Variants in CACNA1C observed in about 807,000 individuals in gnomAD.
The protein encoded by CACNA1C is voltage-dependent L-type calcium channel subunit alpha-1C.
A neutral mutation model predicts 229.0 loss-of-function variants in CACNA1C; 30 were observed. The observed-to-expected ratio is 0.13, with a 90% CI of 0.10 to 0.18. The LOEUF is 0.18. Ranked by LOEUF, CACNA1C falls within the 10% of genes least tolerant of loss-of-function variation. The probability of loss-of-function intolerance (pLI) is 1.00; values close to 1 mark genes in which losing one functional copy is unlikely to be tolerated. For synonymous variants in CACNA1C, 1,114 were observed against 1,132.5 expected (o/e 0.98, Z 0.33); for missense variants, 1,658 against 2,845.0 (o/e 0.58, Z 9.49).
intron 3 of CACNA1C, among the ~76,000 whole-genome samples, chr12:2,185,052 A>C (rs1342556092): frequency 1.3e-5 from 2 of 149,970 alleles, no homozygotes; most frequent in Non-Finnish European, 2.9e-5. Context: ...GGGCTTTACA[A>C]CTCAACGCAG....
At chr12:2,470,960 T>C (rs1597331314) in intron 5 of CACNA1C, among the ~76,000 whole-genome samples, 1 of 152,098 alleles carries the variant, frequency 6.6e-6, no homozygotes, top group African/African-American at 2.4e-5. Flanking sequence ...ATCTTCCAAG[T>C]AGCTGGGATT....
chr12:2,605,553 C>A lies in CACNA1C; in HGVS notation c.3049-126C>A. The A allele has an allele frequency of 1.4e-6, 1 of 710,240 alleles. No individual in the cohort carries two copies. The highest frequency in any genetic ancestry group is 2.6e-6 in the Non-Finnish European group (1 of 390,452). The allele number at this position is 710,240 out of a possible 1,614,324, so 44.0% of individuals were successfully genotyped here. A position where few individuals can be genotyped will look rare whatever the true frequency, so the allele number is the denominator to read the frequency against. On this transcript the variant is annotated intron_variant, in intron 23 of 46. Coordinates refer to ENST00000399655, the MANE Select transcript of CACNA1C (RefSeq NM_000719.7). The surrounding 1 kb of genome is among the most constrained non-coding windows in gnomAD (Gnocchi z 6.2). The stretch of plus-strand genomic sequence containing the variant: ...ATCACTTCCCATGTGACTTTGGGAG[C>A]GTGGCTTTGCCCCTCTCAGCCCAAT...
chr12:2,210,972 T>G (rs1441504584), intron 3 of CACNA1C, among the ~76,000 whole-genome samples: 2 of 152,170 alleles, frequency 1.3e-5, no homozygotes, highest in Non-Finnish European at 2.9e-5. Context: ...ATCAAGATGG[T>G]TATAGTAATG....
At chr12:2,226,136 CACACACACACA>C (rs2062930085) in intron 3 of CACNA1C, among the ~76,000 whole-genome samples, 1 of 129,308 alleles carries the variant, frequency 7.7e-6, no homozygotes, top group African/African-American at 3.4e-5. Flanking sequence ...CACACACACA[CACACACACACA>C]CACACACACA....
rs886049222 is a variant in CACNA1C at position 2,692,757 on chromosome 12, T to A, written c.*1558T>A. 6.5e-6 allele frequency: 1 copy of A among 152,708 alleles called. No homozygotes were observed. The highest frequency in any genetic ancestry group is 1.9e-4 in the East Asian group (1 of 5,206). The allele number at this position is 152,708 out of a possible 1,614,324, so 9.5% of individuals were successfully genotyped here. ...TTTTATTGCATTGATAATGTTTCTGTTGAAGAAACCGTTATACTTGAATTC... is the reference window on the plus strand; with the variant it reads ...TTTTATTGCATTGATAATGTTTCTGATGAAGAAACCGTTATACTTGAATTC... On this transcript the variant is annotated 3_prime_UTR_variant, in exon 47 of 47. Transcript: ENST00000399655.
intron 3 of CACNA1C, among the ~76,000 whole-genome samples, chr12:2,373,512 G>T (rs1300391782): frequency 6.6e-6 from 1 of 152,108 alleles, no homozygotes; most frequent in African/African-American, 2.4e-5. Flanking sequence ...CTAGAGAGAG[G>T]GTGTCCCAGG....
Position 2,488,245 on chromosome 12 carries a change from G to T in CACNA1C, c.916+1983G>T, listed in dbSNP as rs1383326615. Among the ~76,000 whole-genome samples the T allele has an allele frequency of 1.3e-5, 2 of 152,180 alleles. No individual in the cohort carries two copies. Among genetic ancestry groups the T allele is most frequent in the African/African-American group, 4.8e-5 (2 of 41,448 alleles). On this transcript the variant is annotated intron_variant, in intron 6 of 46. Transcript: ENST00000399655. This position sits in a 1 kb window ranked among gnomAD's most constrained non-coding sequence, Gnocchi z 4.0. ...TGTTTTCTGCCGGTGGTGGGCTCCTGCAAGGGCGGGTGAGGATAAGCGGCC... is the reference window on the plus strand; with the variant it reads ...TGTTTTCTGCCGGTGGTGGGCTCCTTCAAGGGCGGGTGAGGATAAGCGGCC...
At chr12:2,405,452 A>G (rs1469865019) in intron 3 of CACNA1C, among the ~76,000 whole-genome samples, 1 of 152,016 alleles carries the variant, frequency 6.6e-6, no homozygotes, top group Non-Finnish European at 1.5e-5. Context: ...GCAACTACTT[A>G]TTTGTTCTCC....
At chr12:2,253,788 G>C (rs1009009627) in intron 3 of CACNA1C, among the ~76,000 whole-genome samples, 1 of 152,196 alleles carries the variant, frequency 6.6e-6, no homozygotes, top group African/African-American at 2.4e-5. Context: ...GATGTCCAAA[G>C]TATGCCTCTC....
At chr12:2,618,992 T>C (rs1424445026) in intron 29 of CACNA1C, among the ~76,000 whole-genome samples, 1 of 152,238 alleles carries the variant, frequency 6.6e-6, no homozygotes, top group African/African-American at 2.4e-5. Context: ...CACTTCTGTA[T>C]GATGCAGTAA....
chr12:2,535,543 A>AC (rs1555741619), intron 9 of CACNA1C, among the ~76,000 whole-genome samples: 1 of 150,658 alleles, frequency 6.6e-6, no homozygotes, highest in Admixed American at 6.6e-5. Context: ...TATTAAAAAA[A>AC]AAAAACAAAA....
chr12:2,095,221 C>T (rs565578144), intron 1 of CACNA1C, among the ~76,000 whole-genome samples: 3 of 152,358 alleles, frequency 2.0e-5, no homozygotes, highest in South Asian at 2.1e-4. Context: ...AGATCCTGCA[C>T]TCCCACCTGT....
chr12:2,665,735 T>C lies in CACNA1C; in HGVS notation c.4526+27T>C, dbSNP rs1386264519. 6.2e-7 allele frequency: 1 copy of C among 1,605,150 alleles called. No individual in the cohort carries two copies. Among genetic ancestry groups the C allele is most frequent in the Admixed American group, 1.7e-5 (1 of 59,032 alleles). On this transcript the variant is annotated intron_variant, in intron 36 of 46. Transcript: ENST00000399655. The surrounding 1 kb of genome is among the most constrained non-coding windows in gnomAD (Gnocchi z 5.9). The stretch of plus-strand genomic sequence containing the variant: ...TAAGTTCCCAGAGGGAAATCCTGAT[T>C]CCCCAAGCTGAGAGAGGGTATAGCT...
In CACNA1C at chr12:2,193,176, C is replaced by T. The variant is rs1417611442; in HGVS notation, c.477+72746C>T. Among the ~76,000 whole-genome samples, 3 of 152,344 alleles carry T rather than the reference C, an allele frequency of 2.0e-5. No individual in the cohort carries two copies. In the South Asian group the frequency reaches 6.2e-4, roughly 32 times the overall value. On this transcript the variant is annotated intron_variant, in intron 3 of 46. Coordinates refer to ENST00000399655, the MANE Select transcript of CACNA1C (RefSeq NM_000719.7). ...TGGTTGAAACTTGTCACGTCAAGGC[C>T]GGGTGCAGAGGCCCATGCCTGAAAT...
At chr12:2,000,177 A>T (rs2041865407) in intron 1 of CACNA1C, among the ~76,000 whole-genome samples, 1 of 152,228 alleles carries the variant, frequency 6.6e-6, no homozygotes, top group Non-Finnish European at 1.5e-5. Context: ...TCACAAGTCC[A>T]CAAAGCATTT....
At chr12:2,530,558 A>G (rs1252503758) in intron 9 of CACNA1C, among the ~76,000 whole-genome samples, 1 of 152,212 alleles carries the variant, frequency 6.6e-6, no homozygotes, top group Non-Finnish European at 1.5e-5. Context: ...AATTGTGGTC[A>G]TAAGTGACCT....
intron 1 of CACNA1C, among the ~76,000 whole-genome samples, chr12:2,011,839 C>T (rs1028687343): frequency 1.3e-5 from 2 of 152,178 alleles, no homozygotes; most frequent in African/African-American, 2.4e-5. Flanking sequence ...CCTTGCCATC[C>T]TGTAGGTGGC....
intron 29 of CACNA1C, among the ~76,000 whole-genome samples, chr12:2,625,110 G>A (rs553274745): frequency 5.2e-4 from 79 of 151,622 alleles, no homozygotes; most frequent in Admixed American, 9.8e-4. Context: ...CGCCCCCCAT[G>A]GCTCTGCACT....
chr12:2,195,105 G>T (rs1400704680), intron 3 of CACNA1C, among the ~76,000 whole-genome samples: 4 of 152,180 alleles, frequency 2.6e-5, no homozygotes, highest in South Asian at 2.1e-4. Flanking sequence ...TTAAATCACC[G>T]ATAGCAGCAG....
Sources: allele counts gnomAD v4.1 joint callset (sites outside exome capture counted in the v4.1 genomes callset), GRCh38; gene constraint gnomAD v4.1.1; non-coding constraint Gnocchi (gnomAD v3.1); transcripts MANE v1.5; gene names NCBI Gene and HGNC (gene_info 2026-07-23, HGNC 2026-07-21).